The following JAKMIP3 variants were observed in gnomAD, a reference collection of about 807,000 sequenced individuals.
The protein encoded by JAKMIP3 is janus kinase and microtubule-interacting protein 3.
In JAKMIP3, 58 loss-of-function variants were observed where a neutral mutation model predicts 118.5. The ratio of observed to expected loss-of-function variants is 0.49; its 90% confidence interval spans 0.40 to 0.61. JAKMIP3 has a LOEUF of 0.61. Ranked by LOEUF, JAKMIP3 falls within the 20% of genes least tolerant of loss-of-function variation. JAKMIP3 has a pLI of 0.00. For missense variants in JAKMIP3, 950 were observed against 1,109.0 expected (o/e 0.86, Z 2.04); for synonymous variants, 486 against 451.2 (o/e 1.08, Z -0.98).
At chr10:132,157,081 C>A (rs2057186394) in intron 19 of JAKMIP3, among the ~76,000 whole-genome samples, 1 of 152,100 alleles carries the variant, frequency 6.6e-6, no homozygotes, top group Non-Finnish European at 1.5e-5. Context: ...GAGGCTTGTT[C>A]TCCGAGAGAT....
At chr10:132,121,120 G>A (rs2048473681) in intron 3 of JAKMIP3, among the ~76,000 whole-genome samples, 1 of 152,166 alleles carries the variant, frequency 6.6e-6, no homozygotes. Flanking sequence ...GGCAGGCTGG[G>A]GTGAGGGTGG....
intron 2 of JAKMIP3, among the ~76,000 whole-genome samples, chr10:132,109,580 C>T (rs981709366): frequency 6.6e-6 from 1 of 152,210 alleles, no homozygotes; most frequent in Admixed American, 6.5e-5. Context: ...CAGCTCATTG[C>T]ACCTGAGGGC....
intron 2 of JAKMIP3, among the ~76,000 whole-genome samples, chr10:132,108,921 TTATA>T (rs1177378635): frequency 6.7e-6 from 1 of 149,342 alleles, no homozygotes; most frequent in East Asian, 1.9e-4. Flanking sequence ...TATATATAAA[TTATA>T]TACGCAAATG....
chr10:132,175,436 G>A (rs376836665), intron 23 of JAKMIP3, among the ~76,000 whole-genome samples: 5 of 152,048 alleles, frequency 3.3e-5, no homozygotes, highest in Non-Finnish European at 5.9e-5. Context: ...CCTGGCTGGG[G>A]TGTCCACCTT....
chr10:132,168,133 G>C lies in JAKMIP3; in HGVS notation c.*203G>C, dbSNP rs1369334440. 2.3e-6 allele frequency: 3 copies of C among 1,287,444 alleles called. No individual in the cohort carries two copies. In the Admixed American group the frequency reaches 6.9e-5, roughly 30 times the overall value. The allele number at this position is 1,287,444 out of a possible 1,614,324, so 79.8% of individuals were successfully genotyped here. ...GCTGCCGTCCACGTGGGATGTGCCA[G>C]AACTAGAACTGGCTCTGCCGACTTC... On this transcript the variant is annotated 3_prime_UTR_variant, in exon 23 of 24. Coordinates refer to ENST00000684848, the MANE Select transcript of JAKMIP3 (RefSeq NM_001323087.2).
In JAKMIP3 at chr10:132,149,528, T is replaced by TC; in HGVS notation, c.1947+18_1947+19insC. The TC allele has an allele frequency of 8.7e-7, 1 of 1,151,752 alleles. No homozygotes were observed. Among genetic ancestry groups the TC allele is most frequent in the Non-Finnish European group, 1.1e-6 (1 of 887,376 alleles). The allele number at this position is 1,151,752 out of a possible 1,614,324, so 71.3% of individuals were successfully genotyped here. A position where few individuals can be genotyped will look rare whatever the true frequency, so the allele number is the denominator to read the frequency against. Reference sequence around the variant, plus strand: ...GTGTGACGGTGAGTCCCGCCCCTCCTGCCCACTCCGCCCCCACCTCACCCA... The same window carrying TC: ...GTGTGACGGTGAGTCCCGCCCCTCCTCGCCCACTCCGCCCCCACCTCACCCA... On this transcript the variant is annotated intron_variant, in intron 15 of 23. Transcript: ENST00000684848.
At chr10:132,181,318 A>G (rs1029951784) in intron 23 of JAKMIP3, 5 of 152,194 alleles carry the variant, frequency 3.3e-5, no homozygotes, top group African/African-American at 1.2e-4. Context: ...GCATGTGCCT[A>G]GTTCATACTC....
At chr10:132,101,345 G>A (rs1219354612) in intron 1 of JAKMIP3, among the ~76,000 whole-genome samples, 4 of 152,082 alleles carry the variant, frequency 2.6e-5, no homozygotes, top group African/African-American at 4.8e-5. Context: ...AGCAAGGACC[G>A]ACCCCCCAAC....
intron 19 of JAKMIP3, among the ~76,000 whole-genome samples, chr10:132,158,149 C>A (rs932560228): frequency 6.8e-6 from 1 of 146,460 alleles, no homozygotes; most frequent in African/African-American, 2.5e-5. Flanking sequence ...TCCACCCTAA[C>A]GTCACAGATA....
At chr10:132,073,119 G>T (rs1317503049) in intron 1 of JAKMIP3, among the ~76,000 whole-genome samples, 1 of 152,180 alleles carries the variant, frequency 6.6e-6, no homozygotes. Context: ...TCCATGTTGT[G>T]TGTGTGTATG....
At chr10:132,093,138 T>C (rs1465594161) in intron 1 of JAKMIP3, among the ~76,000 whole-genome samples, 1 of 152,186 alleles carries the variant, frequency 6.6e-6, no homozygotes, top group Non-Finnish European at 1.5e-5. Context: ...AAGCTTCATC[T>C]CAGAGGGGTG....
intron 22 of JAKMIP3, among the ~76,000 whole-genome samples, chr10:132,167,694 C>A (rs955855233): frequency 6.6e-6 from 1 of 152,134 alleles, no homozygotes; most frequent in Non-Finnish European, 1.5e-5. Flanking sequence ...AGGAGCTTCC[C>A]CTGGGAGCAG....
chr10:132,124,555 G>A (rs1449604496), intron 3 of JAKMIP3, among the ~76,000 whole-genome samples: 4 of 136,084 alleles, frequency 2.9e-5, no homozygotes, highest in Admixed American at 1.5e-4. Context: ...CAGCCGCATC[G>A]CACACGTCCG....
intron 3 of JAKMIP3, among the ~76,000 whole-genome samples, chr10:132,132,415 G>A (rs1194264702): frequency 6.6e-6 from 1 of 152,168 alleles, no homozygotes; most frequent in African/African-American, 2.4e-5. Flanking sequence ...GGGGGCTGTC[G>A]GGTCTGCTGT....
chr10:132,165,580 C>T lies in JAKMIP3; in HGVS notation c.2490+845C>T, dbSNP rs962170107. Among the ~76,000 whole-genome samples, 5 of 152,348 alleles carry T rather than the reference C, an allele frequency of 3.3e-5. No individual in the cohort carries two copies. The East Asian group carries it at 5.8e-4, about 18-fold the overall frequency. ...TTCTGCCTCATCCTTCCGGAGAGAA[C>T]AGGAGGCTGGCATTGGGATGCCCCT... On this transcript the variant is annotated intron_variant, in intron 21 of 23. Transcript: ENST00000684848.
At chr10:132,104,187 G>GTGCGCTTCTGTTCCAGTCCC (rs534504798) in intron 1 of JAKMIP3, among the ~76,000 whole-genome samples, 113 of 152,244 alleles carry the variant, frequency 7.4e-4, no homozygotes, top group African/African-American at 2.6e-3. Flanking sequence ...TGAGCTGGGC[G>GTGCGCTTCTGTTCCAGTCCC]TGCGCTTCTG....
At chr10:132,082,886 G>T (rs2041962077) in intron 1 of JAKMIP3, among the ~76,000 whole-genome samples, 2 of 152,254 alleles carry the variant, frequency 1.3e-5, no homozygotes, top group Non-Finnish European at 2.9e-5. Context: ...GGGAATACAG[G>T]CGTGAACCAC....
At chr10:132,098,649 G>A (rs1030937584) in intron 1 of JAKMIP3, among the ~76,000 whole-genome samples, 2 of 152,180 alleles carry the variant, frequency 1.3e-5, no homozygotes, top group African/African-American at 2.4e-5. Context: ...GCTTAGTGGC[G>A]TTGCTCTTCT....
intron 2 of JAKMIP3, among the ~76,000 whole-genome samples, chr10:132,114,736 A>G (rs2047368802): frequency 6.6e-6 from 1 of 152,176 alleles, no homozygotes; most frequent in Non-Finnish European, 1.5e-5. Flanking sequence ...CATGAGTATG[A>G]TATATTCTTC....
Sources: gnomAD v4.1 joint callset for allele counts (sites outside exome capture counted in the v4.1 genomes callset) on GRCh38, gnomAD v4.1.1 for gene constraint, MANE v1.5 for transcripts, NCBI Gene and HGNC (gene_info 2026-07-23, HGNC 2026-07-21) for gene names.